GIT1: variants seen among roughly 807,000 people sequenced by gnomAD.
GIT1 encodes the protein GIT ArfGAP 1.
Under a neutral mutation model 91.7 loss-of-function variants are expected in GIT1, and 14 were observed. The ratio of observed to expected loss-of-function variants is 0.15; its 90% CI spans 0.10 to 0.24. The LOEUF (loss-of-function observed/expected upper bound fraction) is 0.24, where lower values mean the gene tolerates loss of function less well. Among genes scored for constraint, GIT1 ranks in the 10% least tolerant of loss-of-function variants. The pLI, the probability that GIT1 is intolerant of heterozygous loss-of-function variation, is 1.00. For missense variants in GIT1, 717 were observed against 1,024.9 expected (o/e 0.70, Z 4.10); for synonymous variants, 414 against 418.2 (o/e 0.99, Z 0.12).
In GIT1 at chr17:29,583,029, G is replaced by A; in HGVS notation, c.195C>T (p.His65=). 6.2e-7 allele frequency: 1 copy of A among 1,603,428 alleles called. No homozygotes were observed. Reference sequence around the variant, plus strand: ...AGTTGGCCCCGTTGCTGGCAAGCGTGTGCACCATCTGCAGGGAAGAGATGC... The same window carrying A: ...AGTTGGCCCCGTTGCTGGCAAGCGTATGCACCATCTGCAGGGAAGAGATGC... ...AWPPTLLQMV[H]TLASNGANSI... Residue 65 remains histidine, a synonymous_variant, in exon 3 of 20, where the codon CAC becomes CAT. Transcript: ENST00000225394.
rs901270785 is a variant in GIT1, at chr17:29,581,673, C to T, written c.718+69G>A. On this transcript the variant is annotated intron_variant, in intron 6 of 19. Coordinates refer to ENST00000225394, the MANE Select transcript of GIT1 (RefSeq NM_014030.4). The surrounding 1 kb of genome is among the most constrained non-coding windows in gnomAD (Gnocchi z 4.8). Reference sequence around the variant, plus strand: ...TCACCATGGCACCTGCTGCCGGGTGCGTCCAGGTCCCACCTGCCCAGCCCC... The same window carrying T: ...TCACCATGGCACCTGCTGCCGGGTGTGTCCAGGTCCCACCTGCCCAGCCCC... 3.0e-5 allele frequency: 36 copies of T among 1,210,170 alleles called. No homozygotes were observed. Among genetic ancestry groups the T allele is most frequent in the East Asian group, 1.4e-4 (6 of 42,206 alleles). The allele number at this position is 1,210,170 out of a possible 1,614,324, so 75.0% of individuals were successfully genotyped here.
chr17:29,587,254 T>C (rs748342273), intron 1 of GIT1, among the ~76,000 whole-genome samples: 2 of 152,058 alleles, frequency 1.3e-5, no homozygotes. Context: ...GCCAGCATCC[T>C]AGGGTCCAGG....
chr17:29,578,405 T>C (rs570419683), intron 8 of GIT1, 34 bp from the exon 9 acceptor site: 2 of 1,601,652 alleles, frequency 1.2e-6, no homozygotes, highest in East Asian at 2.2e-5. Context: ...TGTTGTCAGA[T>C]GCATCGGCTC....
intron 1 of GIT1, among the ~76,000 whole-genome samples, chr17:29,585,465 G>C (rs1207187680): frequency 6.6e-6 from 1 of 152,176 alleles, no homozygotes; most frequent in Non-Finnish European, 1.5e-5. Context: ...TAAGCCATGG[G>C]CAGACCAGAT....
In GIT1 at chr17:29,583,015, T is replaced by C; in HGVS notation, c.209A>G (p.Asn70Ser). 6.2e-7 allele frequency: 1 copy of C among 1,610,670 alleles called. No individual in the cohort carries two copies. Among genetic ancestry groups the C allele is most frequent in the Non-Finnish European group, 8.5e-7 (1 of 1,179,166 alleles). The part of the protein sequence containing the change: ...LLQMVHTLAS[N>S]GANSIWEHSL... ...GTGCTCCCAGATGGAGTTGGCCCCG[T>C]TGCTGGCAAGCGTGTGCACCATCTG... The change falls in exon 3 of 20, where the codon AAC (asparagine) becomes AGC (serine). Residue 70 changes from asparagine (N) to serine (S), a missense_variant. By Grantham distance (46) the Asn-to-Ser change is conservative (BLOSUM62 1). Transcript: ENST00000225394.
Position 29,581,577 on chromosome 17 carries a change from G to A in GIT1, c.718+165C>T. ...ACCCCCACTCCCTAGCCCCAGCGAT[G>A]CTATGGCCCAGAGCCTGCAGTAATT... On this transcript the variant is annotated intron_variant, in intron 6 of 19. Coordinates refer to ENST00000225394, the MANE Select transcript of GIT1 (RefSeq NM_014030.4). The surrounding 1 kb of genome is among the most constrained non-coding windows in gnomAD (Gnocchi z 4.8). The A allele has an allele frequency of 1.4e-6, 1 of 694,674 alleles. No homozygotes were observed. Among genetic ancestry groups the A allele is most frequent in the Non-Finnish European group, 2.5e-6 (1 of 394,560 alleles). 43.0% of individuals were successfully genotyped at this position (694,674 alleles called of 1,614,324 possible). A position where few individuals can be genotyped will look rare whatever the true frequency, so the allele number is the denominator to read the frequency against.
At chr17:29,583,840 A>G (rs2033487883) in intron 1 of GIT1, 1 of 570,782 alleles carries the variant, frequency 1.8e-6, no homozygotes, top group Admixed American at 3.3e-5. Context: ...CTACATCCTT[A>G]CCCCTCTGGG....
intron 7 of GIT1, chr17:29,579,169 T>G: frequency 1.6e-6 from 1 of 611,890 alleles, no homozygotes; most frequent in Non-Finnish European, 3.0e-6. Context: ...TGGCTTGCTC[T>G]TCCTCTCAGT....
chr17:29,575,687 T>A lies in GIT1; in HGVS notation c.1769A>T (p.His590Leu). 6.2e-7 allele frequency: 1 copy of A among 1,612,418 alleles called. No individual in the cohort carries two copies. The highest frequency in any genetic ancestry group is 8.5e-7 in the Non-Finnish European group (1 of 1,179,958). ...GSRHTSKLSR[H>L]GSGADSDYEN... ...ATAGTCACTGTCGGCTCCACTGCCG[T>A]GGCGGGAAAGCTTGCTCTGGAGGGC... Residue 590 changes from histidine (H) to leucine (L), a missense_variant, in exon 17 of 20, where the codon CAC becomes CTC. Around this residue, in one of 3 missense-constraint regions of GIT1, gnomAD observed 134 missense variants for 223.8 expected, o/e 0.60. Coordinates refer to ENST00000225394, the MANE Select transcript of GIT1 (RefSeq NM_014030.4). This position sits in a 1 kb window ranked among gnomAD's most constrained non-coding sequence, Gnocchi z 5.5.
At chr17:29,578,185 G>T in intron 9 of GIT1, 114 bp downstream of exon 9, 1 of 850,836 alleles carries the variant, frequency 1.2e-6, no homozygotes, top group South Asian at 1.4e-5. Flanking sequence ...CTCATCTGCA[G>T]GCCTCTGAGC....
intron 11 of GIT1, 43 bp from the exon 12 acceptor site, chr17:29,577,039 A>G: frequency 6.2e-7 from 1 of 1,606,658 alleles, no homozygotes; most frequent in Non-Finnish European, 8.5e-7. Context: ...TCCACCACAC[A>G]ACCCATCTCT....
At position 29,576,923 on chromosome 17, in the gene GIT1, G is replaced by A. The variant is rs756634032; in HGVS notation, c.1167C>T (p.Asp389=). ...GCAGGGGCTCCTGGTCTGTGTCCTC[G>A]TCAGAGGCCACGCTGTCGTAGTCGT... The part of the protein sequence containing the change: ...DQHDYDSVAS[D]EDTDQEPLRS... The change falls in exon 12 of 20, where the codon GAC becomes GAT. Residue 389 remains aspartate, a synonymous_variant. Transcript: ENST00000225394. The A allele has an allele frequency of 4.0e-5, 64 of 1,586,294 alleles. No homozygotes were observed. The highest frequency in any genetic ancestry group is 1.6e-4 in the East Asian group (7 of 43,712).
At chr17:29,584,081 C>T (rs1305530417) in intron 1 of GIT1, among the ~76,000 whole-genome samples, 2 of 152,252 alleles carry the variant, frequency 1.3e-5, no homozygotes, top group Non-Finnish European at 2.9e-5. Context: ...CTCCTGCCAG[C>T]AGGTGAGGTC....
At chr17:29,586,264 T>C (rs1026816221) in intron 1 of GIT1, among the ~76,000 whole-genome samples, 53 of 152,346 alleles carry the variant, frequency 3.5e-4, no homozygotes, top group African/African-American at 1.1e-3. Flanking sequence ...CCAACACAAA[T>C]TCATAAACTT....
chr17:29,589,305 C>A lies in GIT1; in HGVS notation c.52+22G>T. ...GCGGCGGCCTGGCTGTGCGGTCCCG[C>A]CCCCGGCCCCGCCGCGCTTACCCGG... On this transcript the variant is annotated intron_variant, in intron 1 of 19. Coordinates refer to ENST00000225394, the MANE Select transcript of GIT1 (RefSeq NM_014030.4). This position sits in a 1 kb window ranked among gnomAD's most constrained non-coding sequence, Gnocchi z 5.2. The A allele has an allele frequency of 9.9e-7, 1 of 1,009,966 alleles. No individual in the cohort carries two copies. The highest frequency in any genetic ancestry group is 1.2e-6 in the Non-Finnish European group (1 of 844,002). 62.6% of individuals were successfully genotyped at this position (1,009,966 alleles called of 1,614,324 possible).
intron 1 of GIT1, among the ~76,000 whole-genome samples, chr17:29,586,524 G>A (rs2033598791): frequency 6.6e-6 from 1 of 152,124 alleles, no homozygotes; most frequent in Non-Finnish European, 1.5e-5. Flanking sequence ...TGCAGGCATT[G>A]ACACACACAA....
At chr17:29,577,979 G>GCC (rs2033271496) in intron 9 of GIT1, among the ~76,000 whole-genome samples, 1 of 152,242 alleles carries the variant, frequency 6.6e-6, no homozygotes, top group African/African-American at 2.4e-5. Context: ...CCCAGAGTTT[G>GCC]GGCTGGAATC....
At chr17:29,576,488 G>T in intron 13 of GIT1, 34 bp downstream of exon 13, 2 of 1,613,134 alleles carry the variant, frequency 1.2e-6, no homozygotes, top group Non-Finnish European at 1.7e-6. Flanking sequence ...CTGGAGTCCT[G>T]GGGCTCCCCC....
In GIT1 at chr17:29,574,556, C is replaced by A; in HGVS notation, c.*146G>T. On this transcript the variant is annotated 3_prime_UTR_variant, in exon 20 of 20. Coordinates refer to ENST00000225394, the MANE Select transcript of GIT1 (RefSeq NM_014030.4). ...CTTAGGGGCTCGACAGGGGTGGGCA[C>A]CAGGGCACCTGGCTGCCAGGGAGTG... 1.3e-6 allele frequency: 1 copy of A among 752,882 alleles called. No homozygotes were observed. Among genetic ancestry groups the A allele is most frequent in the Non-Finnish European group, 2.3e-6 (1 of 430,940 alleles). 46.6% of individuals were successfully genotyped at this position (752,882 alleles called of 1,614,324 possible).
Sources: allele counts gnomAD v4.1 joint callset (sites outside exome capture counted in the v4.1 genomes callset), GRCh38; gene constraint gnomAD v4.1.1; regional missense constraint gnomAD v4.1.1; non-coding constraint Gnocchi (gnomAD v3.1); transcripts MANE v1.5; gene names NCBI Gene and HGNC (gene_info 2026-07-23, HGNC 2026-07-21).